BTF3L4: variants seen among roughly 807,000 people sequenced by gnomAD.
BTF3L4 encodes the protein transcription factor BTF3 homolog 4.
Under a neutral mutation model 16.8 loss-of-function variants are expected in BTF3L4, and 6 were observed. That is an observed-to-expected ratio of 0.36 (90% CI 0.20 to 0.71). The LOEUF (loss-of-function observed/expected upper bound fraction) is 0.71, where lower values mean the gene tolerates loss of function less well. BTF3L4 is among the 30% of genes least tolerant of loss of function. The pLI is 0.58. For synonymous variants in BTF3L4, 39 were observed against 59.8 expected, an observed-to-expected ratio of 0.65 and a Z score of 1.60; for missense variants, 92 against 186.9, an observed-to-expected ratio of 0.49 and a Z score of 2.96.
chr1:52,081,091 G>A lies in BTF3L4; in HGVS notation c.169-2249G>A, dbSNP rs536360359. On this transcript the variant is annotated intron_variant, in intron 3 of 5. Coordinates refer to ENST00000313334, the MANE Select transcript of BTF3L4 (RefSeq NM_152265.5). ...CTGACCTCGTGATCCACCCGCCTCA[G>A]CCTCCCAAAGTGTTGGGATTACAGG... Among the ~76,000 whole-genome samples, 10 of 152,124 alleles carry A rather than the reference G, an allele frequency of 6.6e-5. No homozygotes were observed. The East Asian group carries it at 1.9e-3, about 29-fold the overall frequency.
chr1:52,071,423 G>A (rs573884783), intron 3 of BTF3L4: 1 of 152,282 alleles, frequency 6.6e-6, no homozygotes, highest in East Asian at 1.9e-4. Flanking sequence ...GTGTATAATG[G>A]TAACTTATTA....
intron 3 of BTF3L4, among the ~76,000 whole-genome samples, chr1:52,082,312 G>C (rs1643931983): frequency 6.6e-6 from 1 of 152,248 alleles, no homozygotes; most frequent in African/African-American, 2.4e-5. Context: ...GTTATGGAAA[G>C]AATGTGAGGA....
At position 52,083,478 on chromosome 1, in the gene BTF3L4, A is replaced by G. The variant is rs770271523; in HGVS notation, c.307A>G (p.Ser103Gly). ...PITEMLPGIL[S>G]QLGADSLTSL... ...CACAGAAATGCTTCCTGGAATATTA[A>G]GTCAGCTTGGTGCTGACAGTTTAAC... is the stretch of plus-strand genomic sequence containing the variant. Residue 103 changes from serine to glycine, a missense_variant, in exon 4 of 6, where the codon AGT becomes GGT. Ser to Gly is a moderately conservative substitution (Grantham distance 56). Transcript: ENST00000313334. 1.9e-6 allele frequency: 3 copies of G among 1,612,802 alleles called. No individual in the cohort carries two copies. Among genetic ancestry groups the G allele is most frequent in the Non-Finnish European group, 2.5e-6 (3 of 1,178,866 alleles).
At position 52,089,479 on chromosome 1, in the gene BTF3L4, TGTA is replaced by T; in HGVS notation, c.*2724_*2726del. 1 of 152,320 alleles carries T rather than the reference TGTA, an allele frequency of 6.6e-6. No individual in the cohort carries two copies. The highest frequency in any genetic ancestry group is 6.5e-5 in the Admixed American group (1 of 15,292). 9.4% of individuals were successfully genotyped at this position (152,320 alleles called of 1,614,324 possible). On this transcript the variant is annotated 3_prime_UTR_variant, in exon 6 of 6. Transcript: ENST00000313334. The stretch of plus-strand genomic sequence containing the variant: ...GAGTTTGGATGAAACTTTTGTAAAT[TGTA>T]GTGTTCTTGGCATAAATATGAATTA...
intron 3 of BTF3L4, among the ~76,000 whole-genome samples, chr1:52,073,493 TACAC>T (rs142147737): frequency 0.059 from 8,227 of 139,212 alleles, 658 homozygotes; most frequent in African/African-American, 0.18. Context: ...ATATGCTACA[TACAC>T]ACACACACAC....
Position 52,089,831 on chromosome 1 carries a change from T to A in BTF3L4, c.*3073T>A, listed in dbSNP as rs953122925. The A allele has an allele frequency of 5.3e-5, 8 of 152,216 alleles. No homozygotes were observed. Among genetic ancestry groups the A allele is most frequent in the Non-Finnish European group, 1.2e-4 (8 of 68,034 alleles). The allele number at this position is 152,216 out of a possible 1,614,324, so 9.4% of individuals were successfully genotyped here. On this transcript the variant is annotated 3_prime_UTR_variant, in exon 6 of 6. Transcript: ENST00000313334. ...ATGGTTTAAGAATATATCAAGCACC[T>A]TAATTTGTTGTTAAGTAGCTAGTGC...
chr1:52,074,954 C>T lies in BTF3L4; in HGVS notation c.169-8386C>T, dbSNP rs548272009. Among the ~76,000 whole-genome samples, 13 of 150,404 alleles carry T rather than the reference C, an allele frequency of 8.6e-5. 1 individual carries two copies. In the South Asian group the frequency reaches 2.8e-3, roughly 32 times the overall value. ...GAATTATTTGTAGAGATGAGGTCTC[C>T]CTATGTTGCCCAGGCTGGTCTTGAA... On this transcript the variant is annotated intron_variant, in intron 3 of 5. Coordinates refer to ENST00000313334, the MANE Select transcript of BTF3L4 (RefSeq NM_152265.5).
intron 3 of BTF3L4, among the ~76,000 whole-genome samples, chr1:52,079,171 A>G (rs1381869001): frequency 1.3e-5 from 2 of 152,156 alleles, no homozygotes; most frequent in African/African-American, 4.8e-5. Flanking sequence ...TCGTGCCCAG[A>G]AGCTTTATAT....
intron 4 of BTF3L4, among the ~76,000 whole-genome samples, chr1:52,085,318 TTTGTTGTTG>T (rs34625670): frequency 1.1e-3 from 156 of 148,002 alleles, no homozygotes; most frequent in African/African-American, 3.7e-3. Context: ...TGTGCCCAGC[TTTGTTGTTG>T]TTGTTGTTGT....
intron 3 of BTF3L4, among the ~76,000 whole-genome samples, chr1:52,069,246 GTTC>G (rs1686726058): frequency 6.6e-6 from 1 of 152,024 alleles, no homozygotes; most frequent in Non-Finnish European, 1.5e-5. Flanking sequence ...TTTACTTTTT[GTTC>G]TTCTTTCCCT....
intron 3 of BTF3L4, among the ~76,000 whole-genome samples, chr1:52,072,130 C>T (rs1686806821): frequency 6.6e-6 from 1 of 151,400 alleles, no homozygotes; most frequent in South Asian, 2.1e-4. Flanking sequence ...TCTCGGCTCA[C>T]TGCAAGCTCC....
intron 1 of BTF3L4, among the ~76,000 whole-genome samples, chr1:52,058,846 C>T (rs142144442): frequency 0.038 from 5,783 of 152,226 alleles, 401 homozygotes; most frequent in African/African-American, 0.13. Flanking sequence ...GTGATCCATC[C>T]GCCTCGGCCT....
intron 3 of BTF3L4, among the ~76,000 whole-genome samples, chr1:52,072,875 A>G (rs1037743970): frequency 8.5e-5 from 13 of 152,226 alleles, no homozygotes; most frequent in Admixed American, 5.9e-4. Flanking sequence ...CCTGGCCAAC[A>G]TGGTGAAACC....
intron 1 of BTF3L4, among the ~76,000 whole-genome samples, chr1:52,058,008 G>C (rs543895707): frequency 2.0e-5 from 3 of 152,270 alleles, no homozygotes; most frequent in African/African-American, 7.2e-5. Context: ...CAAGTATCTA[G>C]GTCTAATGTT....
In BTF3L4 at chr1:52,059,824, T is replaced by A; in HGVS notation, c.-13-11T>A. The A allele has an allele frequency of 1.2e-6, 2 of 1,611,418 alleles. No individual in the cohort carries two copies. Among genetic ancestry groups the A allele is most frequent in the South Asian group, 1.1e-5 (1 of 90,852 alleles). ...AGAGTGACTTTAACAAATCTATTTT[T>A]CCCCCCCTAGATTTACCAACAGCAT... On this transcript the variant is annotated splice_polypyrimidine_tract_variant and intron_variant, in intron 1 of 5. Coordinates refer to ENST00000313334, the MANE Select transcript of BTF3L4 (RefSeq NM_152265.5).
intron 4 of BTF3L4, among the ~76,000 whole-genome samples, chr1:52,083,791 G>A (rs939888748): frequency 1.3e-5 from 2 of 152,068 alleles, no homozygotes; most frequent in African/African-American, 2.4e-5. Flanking sequence ...AGGCCGAGAC[G>A]GGCAGATTGC....
At chr1:52,070,382 G>C (rs1257310268) in intron 3 of BTF3L4, among the ~76,000 whole-genome samples, 1 of 151,446 alleles carries the variant, frequency 6.6e-6, no homozygotes. Flanking sequence ...ATATAGGTTT[G>C]TTTGTTTGTT....
intron 4 of BTF3L4, 27 bp from the exon 5 acceptor site, chr1:52,086,085 A>C (rs554014860): frequency 6.6e-7 from 1 of 1,511,242 alleles, no homozygotes; most frequent in South Asian, 1.2e-5. Context: ...GTTCTCAATG[A>C]CTAATATTAA....
chr1:52,058,140 A>T (rs1686421622), intron 1 of BTF3L4, among the ~76,000 whole-genome samples: 1 of 152,148 alleles, frequency 6.6e-6, no homozygotes. Context: ...ATATTTGAGC[A>T]TAGGAATTGG....
Sources: allele counts gnomAD v4.1 joint callset (sites outside exome capture counted in the v4.1 genomes callset), GRCh38; gene constraint gnomAD v4.1.1; transcripts MANE v1.5; gene names NCBI Gene and HGNC (gene_info 2026-07-23, HGNC 2026-07-21).